CCAR1: variants seen among roughly 807,000 people sequenced by gnomAD.
CCAR1 encodes cell division cycle and apoptosis regulator 1.
Under a neutral mutation model 163.8 loss-of-function variants are expected in CCAR1, and 78 were observed. The ratio of observed to expected loss-of-function variants is 0.48; its 90% CI spans 0.40 to 0.57. The LOEUF (loss-of-function observed/expected upper bound fraction) is 0.57, where lower values mean the gene tolerates loss of function less well. Ranked by LOEUF, CCAR1 falls within the 20% of genes least tolerant of loss-of-function variation. The pLI, the probability that CCAR1 is intolerant of heterozygous loss-of-function variation, is 0.00. For missense variants in CCAR1, 1,019 were observed against 1,365.2 expected, an observed-to-expected ratio of 0.75 and a Z score of 4.00; for synonymous variants, 443 against 460.7, an observed-to-expected ratio of 0.96 and a Z score of 0.49.
intron 18 of CCAR1, among the ~76,000 whole-genome samples, chr10:68,771,901 C>T (rs956454070): frequency 6.6e-6 from 1 of 151,832 alleles, no homozygotes; most frequent in Non-Finnish European, 1.5e-5. Context: ...GAGTCTTGCT[C>T]TGTTGACCAG....
chr10:68,768,234 G>A (rs1426590529), intron 17 of CCAR1, among the ~76,000 whole-genome samples: 2 of 151,970 alleles, frequency 1.3e-5, no homozygotes, highest in Non-Finnish European at 1.5e-5. Flanking sequence ...AAGTTGTTGG[G>A]ATTTTTTTTT....
chr10:68,758,608 C>CGT (rs34609056), intron 15 of CCAR1, among the ~76,000 whole-genome samples: 72 of 101,442 alleles, frequency 7.1e-4, no homozygotes, highest in Admixed American at 3.4e-3. Context: ...CATATATATA[C>CGT]GTGTGTGTAT....
intron 1 of CCAR1, chr10:68,721,581 C>A: frequency 2.2e-6 from 1 of 449,984 alleles, no homozygotes; most frequent in Non-Finnish European, 4.5e-6. Flanking sequence ...CGAGCCGCTG[C>A]GGTTTTACCC....
chr10:68,730,814 C>T (rs1189832495), intron 2 of CCAR1, among the ~76,000 whole-genome samples: 1 of 152,092 alleles, frequency 6.6e-6, no homozygotes, highest in Non-Finnish European at 1.5e-5. Flanking sequence ...CTTCAGCCTC[C>T]TGGGTAGCTG....
At chr10:68,781,984 C>A (rs1049788521) in intron 19 of CCAR1, among the ~76,000 whole-genome samples, 3 of 152,018 alleles carry the variant, frequency 2.0e-5, no homozygotes, top group African/African-American at 7.2e-5. Flanking sequence ...GTTTTTTTGG[C>A]GTCAGTTAGC....
intron 10 of CCAR1, among the ~76,000 whole-genome samples, chr10:68,751,920 GTT>G (rs1161207615): frequency 5.4e-5 from 7 of 128,938 alleles, no homozygotes; most frequent in Admixed American, 7.9e-5. Flanking sequence ...TTTTGTTTTT[GTT>G]TTTTTTTTTT....
At chr10:68,763,720 T>G (rs1589177063) in intron 16 of CCAR1, among the ~76,000 whole-genome samples, 1 of 152,192 alleles carries the variant, frequency 6.6e-6, no homozygotes, top group Admixed American at 6.5e-5. Flanking sequence ...AGTGCTGGGA[T>G]TACAGGTGTG....
intron 17 of CCAR1, 88 bp from the exon 18 acceptor site, chr10:68,771,118 G>T: frequency 8.8e-7 from 1 of 1,142,534 alleles, no homozygotes; most frequent in Non-Finnish European, 1.2e-6. Context: ...ATCGTTGTAT[G>T]TGGCAAGTTT....
intron 12 of CCAR1, chr10:68,755,116 G>T (rs2056382342): frequency 2.9e-6 from 2 of 697,206 alleles, no homozygotes; most frequent in Non-Finnish European, 5.3e-6. Flanking sequence ...GTTGAAGTTT[G>T]AATTATAGCT....
chr10:68,783,029 G>A (rs1240671677), intron 19 of CCAR1, among the ~76,000 whole-genome samples: 2 of 134,938 alleles, frequency 1.5e-5, no homozygotes, highest in Non-Finnish European at 3.1e-5. Context: ...TTGAGACAGG[G>A]TTTCACTCTG....
intron 23 of CCAR1, 28 bp downstream of exon 23, chr10:68,788,356 A>C (rs1458891989): frequency 6.7e-7 from 1 of 1,485,688 alleles, no homozygotes; most frequent in African/African-American, 1.4e-5. Context: ...ATATGTTAAT[A>C]CTTTCAGCAC....
At chr10:68,749,751 AC>A (rs1302984566) in intron 10 of CCAR1, 66 bp downstream of exon 10, 1 of 1,364,072 alleles carries the variant, frequency 7.3e-7, no homozygotes, top group Non-Finnish European at 1.0e-6. Context: ...AGAATATGTC[AC>A]AGAGGTATTT....
chr10:68,736,540 T>A (rs1406123426), intron 2 of CCAR1, among the ~76,000 whole-genome samples: 1 of 152,196 alleles, frequency 6.6e-6, no homozygotes, highest in Non-Finnish European at 1.5e-5. Flanking sequence ...TTCTCTTAGT[T>A]TGACTTTCTT....
intron 16 of CCAR1, among the ~76,000 whole-genome samples, chr10:68,761,888 C>T (rs1420599049): frequency 6.6e-6 from 1 of 152,132 alleles, no homozygotes; most frequent in Non-Finnish European, 1.5e-5. Context: ...AGGCGTGAGC[C>T]ACTGTGCCCG....
intron 2 of CCAR1, among the ~76,000 whole-genome samples, chr10:68,724,566 A>G (rs2055913972): frequency 6.6e-6 from 1 of 152,084 alleles, no homozygotes. Flanking sequence ...CTGGGATTAC[A>G]GGTGTGAACC....
chr10:68,776,235 TTTTTCTTTTC>T (rs369626493), intron 19 of CCAR1, among the ~76,000 whole-genome samples: 8 of 151,756 alleles, frequency 5.3e-5, no homozygotes, highest in East Asian at 1.9e-4. Context: ...TCTAATTTTC[TTTTTCTTTTC>T]TTTTCTTTTC....
At chr10:68,726,840 AC>A (rs2055954900) in intron 2 of CCAR1, among the ~76,000 whole-genome samples, 1 of 151,494 alleles carries the variant, frequency 6.6e-6, no homozygotes, top group Non-Finnish European at 1.5e-5. Context: ...TACTAAAAAT[AC>A]AAAAATTAGC....
intron 8 of CCAR1, among the ~76,000 whole-genome samples, chr10:68,748,759 G>A (rs563353870): frequency 5.3e-5 from 8 of 152,090 alleles, no homozygotes; most frequent in African/African-American, 1.9e-4. Flanking sequence ...TGTCACTGAG[G>A]CATAGGTGCA....
intron 6 of CCAR1, among the ~76,000 whole-genome samples, chr10:68,742,965 C>T (rs2056201939): frequency 6.6e-6 from 1 of 151,906 alleles, no homozygotes; most frequent in Admixed American, 6.6e-5. Flanking sequence ...CAGAGCCTCA[C>T]TCGGTTGCCA....
Sources: allele counts gnomAD v4.1 joint callset (sites outside exome capture counted in the v4.1 genomes callset), GRCh38; gene constraint gnomAD v4.1.1; transcripts MANE v1.5; gene names NCBI Gene and HGNC (gene_info 2026-07-23, HGNC 2026-07-21).